Variants in TRMT11 observed in about 807,000 individuals in gnomAD.
The protein encoded by TRMT11 is tRNA (guanine(10)-N(2))-methyltransferase TRMT11.
A neutral mutation model predicts 62.8 loss-of-function variants in TRMT11; 53 were observed. The observed-to-expected ratio is 0.84, with a 90% CI of 0.68 to 1.06. TRMT11 has a LOEUF of 1.06. Among genes scored for constraint, TRMT11 ranks in the 50% least tolerant of loss-of-function variants. TRMT11 has a pLI of 0.00. For missense variants in TRMT11, 556 were observed against 553.4 expected, an observed-to-expected ratio of 1.00 and a Z score of -0.05; for synonymous variants, 188 against 190.3, an observed-to-expected ratio of 0.99 and a Z score of 0.10.
At chr6:126,123,386 C>T (rs948381074) in intron 21 of TRMT11, among the ~76,000 whole-genome samples, 15 of 152,046 alleles carry the variant, frequency 9.9e-5, no homozygotes, top group African/African-American at 2.2e-4. Context: ...GAACACAGTG[C>T]GCTGAAAAAG....
chr6:126,271,279 G>A, the TRMT11 span, among the ~76,000 whole-genome samples: 4 of 143,852 alleles, frequency 2.8e-5, no homozygotes, highest in South Asian at 2.3e-4. Context: ...CAGGAAAATC[G>A]CTTGAACCCG....
the TRMT11 span, among the ~76,000 whole-genome samples, chr6:126,227,904 G>A: frequency 4.8e-4 from 73 of 152,224 alleles, no homozygotes; most frequent in Non-Finnish European, 8.7e-4. Context: ...ATAAGGTAGT[G>A]TGTCCTGTTG....
upstream of TRMT11, among the ~76,000 whole-genome samples, chr6:126,176,283 T>C (rs1340495895): frequency 6.6e-6 from 1 of 152,142 alleles, no homozygotes; most frequent in African/African-American, 2.4e-5. Context: ...TCTTTTGACA[T>C]AGAGAAGTTA....
upstream of TRMT11, among the ~76,000 whole-genome samples, chr6:126,175,969 C>T (rs1441636203): frequency 6.6e-6 from 1 of 152,186 alleles, no homozygotes; most frequent in Non-Finnish European, 1.5e-5. Flanking sequence ...CTCTCCACCC[C>T]TTATCCCCTT....
At chr6:126,086,356 A>G (rs1332128952) in intron 17 of TRMT11, among the ~76,000 whole-genome samples, 1 of 152,160 alleles carries the variant, frequency 6.6e-6, no homozygotes, top group African/African-American at 2.4e-5. Context: ...ACATCCATCC[A>G]GTGTCCCGAG....
At chr6:125,986,888 G>A in intron 1 of TRMT11, 2 of 484,250 alleles carry the variant, frequency 4.1e-6, no homozygotes, top group East Asian at 7.2e-5. Flanking sequence ...AGGTGAATAT[G>A]ACCGGTCATC....
intron 8 of TRMT11, among the ~76,000 whole-genome samples, chr6:126,009,585 A>G: frequency 6.6e-6 from 1 of 151,430 alleles, no homozygotes; most frequent in East Asian, 1.9e-4. Flanking sequence ...ATTATACTTT[A>G]TTTTCTTTTG....
chr6:126,020,683 G>A (rs887882045), intron 11 of TRMT11, among the ~76,000 whole-genome samples: 8 of 152,136 alleles, frequency 5.3e-5, no homozygotes, highest in African/African-American at 1.4e-4. Flanking sequence ...TAAATTAGAC[G>A]TTTAAATTTT....
At chr6:126,099,977 G>C (rs970688217) in intron 17 of TRMT11, among the ~76,000 whole-genome samples, 3 of 152,100 alleles carry the variant, frequency 2.0e-5, no homozygotes, top group Non-Finnish European at 4.4e-5. Flanking sequence ...GCATGAGCCT[G>C]GCAGGTCTCA....
intron 21 of TRMT11, among the ~76,000 whole-genome samples, chr6:126,170,972 A>AT (rs777832043): frequency 2.6e-5 from 4 of 152,168 alleles, no homozygotes; most frequent in South Asian, 2.1e-4. Flanking sequence ...TGGGGATGGT[A>AT]TTTTTTACTG....
chr6:126,219,975 A>G, the TRMT11 span, among the ~76,000 whole-genome samples: 3 of 152,216 alleles, frequency 2.0e-5, no homozygotes, highest in Non-Finnish European at 4.4e-5. Flanking sequence ...GACCTCAGCC[A>G]AAGTTTTTTT....
chr6:126,255,083 T>C, the TRMT11 span, among the ~76,000 whole-genome samples: 1 of 151,432 alleles, frequency 6.6e-6, no homozygotes, highest in South Asian at 2.1e-4. Flanking sequence ...TATATAACCT[T>C]AATGCTTTTC....
the TRMT11 span, among the ~76,000 whole-genome samples, chr6:126,217,196 A>G: frequency 6.6e-6 from 1 of 152,244 alleles, no homozygotes; most frequent in African/African-American, 2.4e-5. Flanking sequence ...TCTGTTGGAA[A>G]GATCACCTAT....
At chr6:126,019,618 G>A (rs1480695535) in intron 11 of TRMT11, among the ~76,000 whole-genome samples, 2 of 152,072 alleles carry the variant, frequency 1.3e-5, no homozygotes, top group African/African-American at 2.4e-5. Flanking sequence ...GACACAAACT[G>A]TTTCCAGCAT....
At chr6:125,990,559 TG>T (rs1232370653) in intron 1 of TRMT11, among the ~76,000 whole-genome samples, 2 of 152,230 alleles carry the variant, frequency 1.3e-5, no homozygotes, top group Non-Finnish European at 2.9e-5. Flanking sequence ...TTGGAATTTT[TG>T]TCCTCTCCTG....
chr6:126,081,184 G>T (rs1777151315), intron 17 of TRMT11, among the ~76,000 whole-genome samples: 1 of 152,072 alleles, frequency 6.6e-6, no homozygotes, highest in Non-Finnish European at 1.5e-5. Context: ...TCCAAAAAAT[G>T]GTATCTTTAC....
At chr6:126,142,332 G>T (rs1408515055) in intron 21 of TRMT11, among the ~76,000 whole-genome samples, 1 of 151,944 alleles carries the variant, frequency 6.6e-6, no homozygotes, top group East Asian at 1.9e-4. Flanking sequence ...TACCAGAGGG[G>T]GGCACAAATA....
the TRMT11 span, among the ~76,000 whole-genome samples, chr6:126,257,648 C>G: frequency 6.6e-6 from 1 of 152,128 alleles, no homozygotes; most frequent in Non-Finnish European, 1.5e-5. Context: ...TGATTCGAGA[C>G]TTTTTATTAT....
At chr6:126,161,153 C>T (rs1778185704) in intron 21 of TRMT11, among the ~76,000 whole-genome samples, 1 of 152,058 alleles carries the variant, frequency 6.6e-6, no homozygotes, top group South Asian at 2.1e-4. Context: ...CATAGGTATA[C>T]ATGTGCCATG....
Sources: gnomAD v4.1 joint callset for allele counts (sites outside exome capture counted in the v4.1 genomes callset) on GRCh38, gnomAD v4.1.1 for gene constraint, MANE v1.5 for transcripts, NCBI Gene and HGNC (gene_info 2026-07-23, HGNC 2026-07-21) for gene names.